The following PTPRD variants were observed in gnomAD, a reference collection of about 807,000 sequenced individuals.
PTPRD encodes the protein receptor-type tyrosine-protein phosphatase delta.
PTPRD carries 34 observed loss-of-function variants against 214.5 expected under a neutral mutation model. The observed-to-expected ratio is 0.16, with a 90% CI of 0.12 to 0.21. The LOEUF is 0.21. PTPRD is among the 10% of genes least tolerant of loss of function. The probability of loss-of-function intolerance (pLI) is 1.00; values close to 1 mark genes in which losing one functional copy is unlikely to be tolerated. For synonymous variants in PTPRD, 1,128 were observed against 845.7 expected (o/e 1.33, Z -5.79); for missense variants, 2,545 against 2,398.7 (o/e 1.06, Z -1.27).
chr9:9,257,129 A>G (rs957095042), intron 9 of PTPRD, among the ~76,000 whole-genome samples: 3 of 151,968 alleles, frequency 2.0e-5, no homozygotes, highest in South Asian at 4.2e-4. Context: ...GGGCACCTAG[A>G]GATGATCTAG....
chr9:9,718,809 C>A (rs2097881251), intron 7 of PTPRD, among the ~76,000 whole-genome samples: 1 of 152,182 alleles, frequency 6.6e-6, no homozygotes, highest in Non-Finnish European at 1.5e-5. Flanking sequence ...TGGGTGCCAA[C>A]AAGCACAGGA....
At chr9:8,679,100 G>C (rs2097498333) in intron 12 of PTPRD, among the ~76,000 whole-genome samples, 1 of 152,124 alleles carries the variant, frequency 6.6e-6, no homozygotes, top group Admixed American at 6.6e-5. Flanking sequence ...GGTAGTACAG[G>C]AATAGCAACC....
chr9:10,327,182 T>C (rs1388096863), intron 3 of PTPRD, among the ~76,000 whole-genome samples: 1 of 148,546 alleles, frequency 6.7e-6, no homozygotes, highest in Admixed American at 6.8e-5. Flanking sequence ...TATATATATA[T>C]ATATATATAT....
intron 30 of PTPRD, among the ~76,000 whole-genome samples, chr9:8,480,233 A>G (rs2096852203): frequency 6.6e-6 from 1 of 152,122 alleles, no homozygotes; most frequent in South Asian, 2.1e-4. Flanking sequence ...TTGCCTCTAC[A>G]CCATCAGAGA....
chr9:8,472,738 T>A (rs2096679689), intron 30 of PTPRD, among the ~76,000 whole-genome samples: 1 of 152,230 alleles, frequency 6.6e-6, no homozygotes, highest in Non-Finnish European at 1.5e-5. Flanking sequence ...TAATTTCACC[T>A]GCTTTTTATT....
intron 11 of PTPRD, among the ~76,000 whole-genome samples, chr9:8,885,870 C>T (rs1262685926): frequency 6.6e-6 from 1 of 152,138 alleles, no homozygotes; most frequent in Non-Finnish European, 1.5e-5. Context: ...ACATAGAGAA[C>T]ATTTTATTTC....
intron 27 of PTPRD, 35 bp from the exon 28 acceptor site, chr9:8,486,384 A>T: frequency 1.3e-6 from 2 of 1,537,544 alleles, no homozygotes; most frequent in Non-Finnish European, 1.8e-6. Flanking sequence ...AAGACCAACC[A>T]ATCTGAACGT....
intron 3 of PTPRD, among the ~76,000 whole-genome samples, chr9:10,317,634 A>T (rs958495110): frequency 6.6e-6 from 1 of 152,018 alleles, no homozygotes; most frequent in Non-Finnish European, 1.5e-5. Context: ...GAAGATTTTT[A>T]AAAATCTATT....
At chr9:8,933,813 C>A (rs989324432) in intron 11 of PTPRD, among the ~76,000 whole-genome samples, 1 of 152,030 alleles carries the variant, frequency 6.6e-6, no homozygotes, top group Non-Finnish European at 1.5e-5. Context: ...TAATAAAAAT[C>A]ATGATGCAAG....
intron 12 of PTPRD, among the ~76,000 whole-genome samples, chr9:8,684,630 T>C (rs150547138): frequency 6.6e-6 from 1 of 152,286 alleles, no homozygotes; most frequent in African/African-American, 2.4e-5. Flanking sequence ...ACACAAATTA[T>C]AGTAATTTCT....
intron 9 of PTPRD, among the ~76,000 whole-genome samples, chr9:9,202,768 T>G (rs1388951688): frequency 6.6e-6 from 1 of 152,236 alleles, no homozygotes; most frequent in Non-Finnish European, 1.5e-5. Flanking sequence ...TGAACACAAC[T>G]GTTCAGTTAT....
intron 8 of PTPRD, among the ~76,000 whole-genome samples, chr9:9,522,912 G>A (rs2097022221): frequency 1.3e-5 from 2 of 152,114 alleles, no homozygotes; most frequent in East Asian, 1.9e-4. Flanking sequence ...TGAAAACACA[G>A]CTGCTTTGCA....
chr9:9,745,863 G>A (rs755202525), intron 6 of PTPRD, among the ~76,000 whole-genome samples: 1 of 152,098 alleles, frequency 6.6e-6, no homozygotes, highest in Non-Finnish European at 1.5e-5. Flanking sequence ...TCTCCCAGTT[G>A]TTGTCTCTAG....
intron 8 of PTPRD, among the ~76,000 whole-genome samples, chr9:9,506,776 T>C (rs564566846): frequency 2.1e-4 from 32 of 151,498 alleles, no homozygotes; most frequent in African/African-American, 7.5e-4. Context: ...TGAGACATCT[T>C]CTACCAGTGG....
chr9:10,165,179 A>T (rs1275638256), intron 3 of PTPRD, among the ~76,000 whole-genome samples: 1 of 151,708 alleles, frequency 6.6e-6, no homozygotes, highest in Non-Finnish European at 1.5e-5. Flanking sequence ...ATACAGCTCA[A>T]AAGATTACCA....
chr9:9,686,683 T>C (rs556900746), intron 7 of PTPRD, among the ~76,000 whole-genome samples: 2 of 151,858 alleles, frequency 1.3e-5, no homozygotes, highest in South Asian at 2.1e-4. Context: ...TTGTGTACTT[T>C]ATGTAATACA....
intron 8 of PTPRD, among the ~76,000 whole-genome samples, chr9:9,505,485 T>A (rs775834970): frequency 5.9e-5 from 9 of 151,500 alleles, no homozygotes; most frequent in Non-Finnish European, 1.3e-4. Context: ...TGGAATAAAT[T>A]TGATGCCAGA....
At chr9:9,807,161 C>A (rs1227163487) in intron 5 of PTPRD, among the ~76,000 whole-genome samples, 1 of 152,040 alleles carries the variant, frequency 6.6e-6, no homozygotes, top group Non-Finnish European at 1.5e-5. Flanking sequence ...ATCTTATGCC[C>A]CTCAGCAGAA....
intron 27 of PTPRD, among the ~76,000 whole-genome samples, chr9:8,490,575 C>A (rs191057928): frequency 7.0e-4 from 106 of 152,220 alleles, no homozygotes; most frequent in African/African-American, 2.4e-3. Flanking sequence ...AAATGTCAAA[C>A]CAATGAATTT....
Sources: gnomAD v4.1 joint callset for allele counts (sites outside exome capture counted in the v4.1 genomes callset) on GRCh38, gnomAD v4.1.1 for gene constraint, MANE v1.5 for transcripts, NCBI Gene and HGNC (gene_info 2026-07-23, HGNC 2026-07-21) for gene names.